The following MAN2B1 variants were observed in gnomAD, a reference collection of about 807,000 sequenced individuals.
The protein encoded by MAN2B1 is lysosomal alpha-mannosidase.
MAN2B1 carries 99 observed loss-of-function variants against 127.5 expected under a neutral mutation model. That is an observed-to-expected ratio of 0.78 (90% CI 0.66 to 0.92). MAN2B1 has a LOEUF of 0.92. Ranked by LOEUF, MAN2B1 falls within the 40% of genes least tolerant of loss-of-function variation. The probability of loss-of-function intolerance (pLI) is 0.00; values close to 1 mark genes in which losing one functional copy is unlikely to be tolerated. For synonymous variants in MAN2B1, 573 were observed against 568.8 expected (o/e 1.01, Z -0.11); for missense variants, 1,304 against 1,384.8 (o/e 0.94, Z 0.93).
At chr19:12,665,605 G>A in intron 2 of MAN2B1, 80 bp from the exon 3 acceptor site, 5 of 1,586,518 alleles carry the variant, frequency 3.2e-6, no homozygotes, top group South Asian at 1.1e-5. Context: ...CCAAACCCTG[G>A]ATATTAGGGT....
intron 4 of MAN2B1, 123 bp from the exon 5 acceptor site, chr19:12,663,958 T>A: frequency 7.6e-7 from 1 of 1,317,806 alleles, no homozygotes; most frequent in Non-Finnish European, 1.1e-6. Flanking sequence ...GTCGATGTGG[T>A]GGCTCTTGCC....
chr19:12,662,006 G>A (rs758734443), intron 6 of MAN2B1, among the ~76,000 whole-genome samples: 15 of 151,900 alleles, frequency 9.9e-5, no homozygotes, highest in South Asian at 4.2e-4. Context: ...CACCACACCC[G>A]ACTAATTTTT....
At chr19:12,649,874 C>A in intron 18 of MAN2B1, 39 bp downstream of exon 18, 1 of 1,548,842 alleles carries the variant, frequency 6.5e-7, no homozygotes, top group Non-Finnish European at 8.9e-7. Flanking sequence ...CCCCAACACA[C>A]CACAGACCAC....
At chr19:12,658,162 T>A (rs1361931612) in intron 9 of MAN2B1, 21 bp from the exon 10 acceptor site, 11 of 1,613,440 alleles carry the variant, frequency 6.8e-6, no homozygotes, top group Non-Finnish European at 9.3e-6. Flanking sequence ...AGGGGTATGT[T>A]GGGGCGCCCA....
At chr19:12,661,398 T>C in intron 6 of MAN2B1, 22 bp from the exon 7 acceptor site, 4 of 1,503,938 alleles carry the variant, frequency 2.7e-6, no homozygotes, top group Non-Finnish European at 3.7e-6. Context: ...AGGGGAGTCC[T>C]GAAGCCAGAG....
chr19:12,666,454 A>G, intron 1 of MAN2B1, 89 bp downstream of exon 1: 3 of 1,420,782 alleles, frequency 2.1e-6, no homozygotes. Flanking sequence ...TTCACTAGAC[A>G]CCCACAGGAC....
At position 12,647,717 on chromosome 19, in the gene MAN2B1, G is replaced by A. The variant is rs150184949; in HGVS notation, c.2665-119C>T. 1 of 820,882 alleles carries A rather than the reference G, an allele frequency of 1.2e-6. No homozygotes were observed. Among genetic ancestry groups the A allele is most frequent in the Non-Finnish European group, 1.9e-6 (1 of 527,464 alleles). 50.8% of individuals were successfully genotyped at this position (820,882 alleles called of 1,614,324 possible). On this transcript the variant is annotated intron_variant, in intron 21 of 23. Transcript: ENST00000456935. The surrounding 1 kb of genome is among the most constrained non-coding windows in gnomAD (Gnocchi z 4.9). ...TAGGGGCGGGGTTTCGCCGGAGAGG[G>A]GCAAGGCTCAGCCGAGAGGAGCGGC...
rs570640282 is a variant in MAN2B1, at chr19:12,653,615, T to A, written c.1831-1155A>T. Among the ~76,000 whole-genome samples the A allele has an allele frequency of 1.0e-3, 158 of 151,854 alleles. 1 individual carries two copies. The highest frequency in any genetic ancestry group is 3.3e-3 in the African/African-American group (136 of 41,410). ...CTCTACTAAATTAAAAAAAAAAAAATTTAAATTTGTTTTCTAGAGATGGGG... is the reference window on the plus strand; with the variant it reads ...CTCTACTAAATTAAAAAAAAAAAAAATTAAATTTGTTTTCTAGAGATGGGG... On this transcript the variant is annotated intron_variant, in intron 14 of 23. Coordinates refer to ENST00000456935, the MANE Select transcript of MAN2B1 (RefSeq NM_000528.4).
rs2023946085 is a variant in MAN2B1 at position 12,656,025 on chromosome 19, A to G, written c.1645-146T>C. The G allele has an allele frequency of 4.6e-6, 3 of 655,518 alleles. No homozygotes were observed. In the South Asian group the frequency reaches 5.3e-5, roughly 12 times the overall value. The allele number at this position is 655,518 out of a possible 1,614,324, so 40.6% of individuals were successfully genotyped here. ...TGTGGTGGGGGGACAGTCAGATTCC[A>G]AGGAAATGATTGCAGAGAAGATTCA... On this transcript the variant is annotated intron_variant, in intron 13 of 23. Coordinates refer to ENST00000456935, the MANE Select transcript of MAN2B1 (RefSeq NM_000528.4).
chr19:12,665,059 T>C, intron 3 of MAN2B1, 74 bp from the exon 4 acceptor site: 2 of 1,351,396 alleles, frequency 1.5e-6, no homozygotes, highest in Non-Finnish European at 2.1e-6. Context: ...ATACTGGGAA[T>C]GTGAAAGCCT....
chr19:12,654,376 C>T (rs929447836), intron 14 of MAN2B1, among the ~76,000 whole-genome samples: 27 of 152,248 alleles, frequency 1.8e-4, no homozygotes, highest in Non-Finnish European at 2.9e-4. Context: ...CCACCTCTTA[C>T]CAGGGCCTTC....
rs755994517 is a variant in MAN2B1, at chr19:12,661,371, C to T, written c.915G>A (p.Arg305=). The T allele has an allele frequency of 7.5e-6, 12 of 1,609,458 alleles. No homozygotes were observed. The highest frequency in any genetic ancestry group is 9.4e-6 in the Non-Finnish European group (11 of 1,175,766). Residue 305 remains arginine (R), a synonymous_variant, in exon 7 of 24, where the codon CGG becomes CGA. Transcript: ENST00000456935. ...TCACAGTGTGGTTGGTGCGGTAATA[C>T]CGGCCCTGCAGGCAAGAGGGGAGTC... is the stretch of plus-strand genomic sequence containing the variant. ...YFLNVATAQG[R]YYRTNHTVMT...
intron 18 of MAN2B1, 59 bp downstream of exon 18, chr19:12,649,854 C>T (rs1190268435): frequency 2.2e-6 from 3 of 1,361,510 alleles, no homozygotes; most frequent in African/African-American, 2.9e-5. Flanking sequence ...TTTCCCTCAC[C>T]ACCCCTGGGC....
At position 12,655,736 on chromosome 19, in the gene MAN2B1, G is replaced by A. The variant is rs969379236; in HGVS notation, c.1788C>T (p.Ile596=). The A allele has an allele frequency of 2.5e-6, 4 of 1,609,000 alleles. No homozygotes were observed. The African/African-American group carries it at 5.3e-5, about 22-fold the overall frequency. ...WKPQARAPQP[I]PRRSWSPALT... ...AAGCAGGGGACCAGGATCTTCTGGG[G>A]ATGGGCTGTGGTGCGCGGGCCTGGG... The change falls in exon 14 of 24, where the codon ATC becomes ATT. Residue 596 remains isoleucine, a synonymous_variant. Coordinates refer to ENST00000456935, the MANE Select transcript of MAN2B1 (RefSeq NM_000528.4).
chr19:12,655,960 G>A, intron 13 of MAN2B1, 81 bp from the exon 14 acceptor site: 1 of 1,158,716 alleles, frequency 8.6e-7, no homozygotes, highest in Admixed American at 1.8e-5. Flanking sequence ...ACTCAAGGAA[G>A]GAAAAGAGTC....
At chr19:12,646,784 C>T (rs749117798) in intron 23 of MAN2B1, 52 bp from the exon 24 acceptor site, 1 of 1,297,616 alleles carries the variant, frequency 7.7e-7, no homozygotes, top group African/African-American at 1.5e-5. Flanking sequence ...CTTCCTCTGA[C>T]TCACCCCACG....
In MAN2B1 at chr19:12,646,512, T is replaced by G; in HGVS notation, c.*108A>C. The stretch of plus-strand genomic sequence containing the variant: ...ACCCACACTCAGTCACAGAGCGACC[T>G]GAGTCTTAGTAGTAGCGTTTTAATG... On this transcript the variant is annotated 3_prime_UTR_variant, in exon 24 of 24. Transcript: ENST00000456935. The G allele has an allele frequency of 3.5e-6, 3 of 851,300 alleles. No individual in the cohort carries two copies. Among genetic ancestry groups the G allele is most frequent in the African/African-American group, 1.7e-5 (1 of 60,084 alleles). 52.7% of individuals were successfully genotyped at this position (851,300 alleles called of 1,614,324 possible). A position where few individuals can be genotyped will look rare whatever the true frequency, so the allele number is the denominator to read the frequency against.
intron 13 of MAN2B1, 27 bp from the exon 14 acceptor site, chr19:12,655,906 G>A (rs372645746): frequency 1.2e-6 from 2 of 1,601,020 alleles, no homozygotes; most frequent in African/African-American, 2.7e-5. Flanking sequence ...GGGAAACTGA[G>A]TCAAGAGTAC....
rs2303731 is a variant in MAN2B1, at chr19:12,661,449, T to C, written c.910-73A>G. The C allele has an allele frequency of 0.34, 339,796 of 994,878 alleles. 64,065 individuals carry two copies. Among genetic ancestry groups the C allele is most frequent in the African/African-American group, 0.48 (30,218 of 62,364 alleles). 61.6% of individuals were successfully genotyped at this position (994,878 alleles called of 1,614,324 possible). On this transcript the variant is annotated intron_variant, in intron 6 of 23. Transcript: ENST00000456935. Reference sequence around the variant, plus strand: ...CTGTGTATAGCTGTGTTTTGATGTATATGGGGTCAAGGATGTTGGGTGCAC... The same window carrying C: ...CTGTGTATAGCTGTGTTTTGATGTACATGGGGTCAAGGATGTTGGGTGCAC...
Sources: gnomAD v4.1 joint callset for allele counts (sites outside exome capture counted in the v4.1 genomes callset) on GRCh38, gnomAD v4.1.1 for gene constraint, Gnocchi (gnomAD v3.1) non-coding constraint, MANE v1.5 for transcripts, NCBI Gene and HGNC (gene_info 2026-07-23, HGNC 2026-07-21) for gene names.